KHDC1: variants seen among roughly 807,000 people sequenced by gnomAD.
KHDC1 encodes KH domain containing 1, also known as KH homology domain-containing protein 1.
Under a neutral mutation model 24.7 loss-of-function variants are expected in KHDC1, and 21 were observed. That is an observed-to-expected ratio of 0.85 (90% CI 0.60 to 1.23). The LOEUF (loss-of-function observed/expected upper bound fraction) is 1.23. Ranked by LOEUF, KHDC1 falls within the 50% of genes most tolerant of loss-of-function variation. The pLI is 0.00. For synonymous variants in KHDC1, 98 were observed against 111.7 expected (o/e 0.88, Z 0.77); for missense variants, 274 against 298.5 (o/e 0.92, Z 0.61).
At chr6:73,280,016 A>G (rs896968105) in intron 2 of KHDC1, among the ~76,000 whole-genome samples, 3 of 152,084 alleles carry the variant, frequency 2.0e-5, no homozygotes, top group African/African-American at 4.8e-5. Flanking sequence ...CCTTTGGCCT[A>G]TTCACAGTTT....
At chr6:73,253,282 A>G (rs1037522063) in intron 2 of KHDC1, among the ~76,000 whole-genome samples, 1 of 152,138 alleles carries the variant, frequency 6.6e-6, no homozygotes, top group African/African-American at 2.4e-5. Flanking sequence ...CCTGCCGGGT[A>G]CGGTGGCTCA....
At chr6:73,253,343 C>T (rs553006198) in intron 2 of KHDC1, among the ~76,000 whole-genome samples, 1 of 151,792 alleles carries the variant, frequency 6.6e-6, no homozygotes, top group African/African-American at 2.4e-5. Flanking sequence ...ATCACAAGGT[C>T]AGGAGATCAA....
At chr6:73,274,541 G>C (rs1767243795) in intron 2 of KHDC1, 1 of 152,204 alleles carries the variant, frequency 6.6e-6, no homozygotes, top group African/African-American at 2.4e-5. Context: ...TTTCCCCCAT[G>C]CTGTTCTCGT....
chr6:73,241,598 G>T (rs377447679), exon 5 of KHDC1: 3 of 1,614,156 alleles, frequency 1.9e-6, no homozygotes, highest in Middle Eastern at 3.3e-4. Context: ...GCTGAGGAAC[G>T]CTAAGACACA....
At chr6:73,252,180 C>G (rs1313888450) in intron 2 of KHDC1, among the ~76,000 whole-genome samples, 2 of 151,836 alleles carry the variant, frequency 1.3e-5, no homozygotes, top group Non-Finnish European at 2.9e-5. Flanking sequence ...GCAGCAGGGA[C>G]TACAGGCCTG....
In KHDC1 at chr6:73,263,039, GGGCGGCGGC is replaced by G. The variant is rs544476875; in HGVS notation, c.207-20518_207-20510del. 84 of 965,794 alleles carry G rather than the reference GGGCGGCGGC, an allele frequency of 8.7e-5. No individual in the cohort carries two copies. The East Asian group carries it at 2.1e-3, about 24-fold the overall frequency. The allele number at this position is 965,794 out of a possible 1,614,324, so 59.8% of individuals were successfully genotyped here. A position where few individuals can be genotyped will look rare whatever the true frequency, so the allele number is the denominator to read the frequency against. ...GCAGGCCTGGGCCACTCCCTGAGTA[GGGCGGCGGC>G]GGCGGCGGCGGCGGCGGCGGCAGCG... On this transcript the variant is annotated intron_variant, in intron 2 of 4. Transcript: ENST00000370384.
At chr6:73,309,795 G>C in exon 1 of KHDC1, 1 of 1,485,050 alleles carries the variant, frequency 6.7e-7, no homozygotes, top group African/African-American at 1.4e-5. Flanking sequence ...GAGCCCGCCG[G>C]CGGGAAGAGA....
chr6:73,263,889 A>G (rs1309377059), intron 2 of KHDC1, among the ~76,000 whole-genome samples: 1 of 152,316 alleles, frequency 6.6e-6, no homozygotes, highest in Non-Finnish European at 1.5e-5. Flanking sequence ...CGTTTGGACA[A>G]TTAGATGGGA....
intron 1 of KHDC1, among the ~76,000 whole-genome samples, chr6:73,294,116 G>A (rs7755870): frequency 0.21 from 28,425 of 135,272 alleles, 3,155 homozygotes; most frequent in African/African-American, 0.34. Flanking sequence ...AGACTGTCTC[G>A]AGACAAAACA....
chr6:73,306,436 C>T (rs896929971), intron 1 of KHDC1, among the ~76,000 whole-genome samples: 1 of 152,140 alleles, frequency 6.6e-6, no homozygotes, highest in Non-Finnish European at 1.5e-5. Flanking sequence ...ATCAGTTCTG[C>T]TTACTAAAAA....
At chr6:73,286,049 A>G (rs1435470420) in intron 2 of KHDC1, among the ~76,000 whole-genome samples, 1 of 152,166 alleles carries the variant, frequency 6.6e-6, no homozygotes, top group Admixed American at 6.5e-5. Flanking sequence ...TTATCTATCC[A>G]CATGATTCAG....
chr6:73,278,580 C>G (rs986468669), intron 2 of KHDC1, among the ~76,000 whole-genome samples: 1 of 152,088 alleles, frequency 6.6e-6, no homozygotes, highest in Non-Finnish European at 1.5e-5. Context: ...ATTTATAGTA[C>G]TTTTTCAGTA....
At chr6:73,289,179 C>T (rs1300511947) in intron 2 of KHDC1, among the ~76,000 whole-genome samples, 1 of 150,958 alleles carries the variant, frequency 6.6e-6, no homozygotes, top group African/African-American at 2.4e-5. Flanking sequence ...GCTAAAAATA[C>T]AAAAATTAGA....
intron 2 of KHDC1, among the ~76,000 whole-genome samples, chr6:73,255,933 A>T (rs58345476): frequency 6.7e-5 from 10 of 150,062 alleles, no homozygotes; most frequent in Non-Finnish European, 1.2e-4. Context: ...AAGAGGTCAG[A>T]CTCCTTAAAT....
chr6:73,303,960 C>T (rs1172195869), intron 1 of KHDC1, among the ~76,000 whole-genome samples: 1 of 152,146 alleles, frequency 6.6e-6, no homozygotes, highest in Non-Finnish European at 1.5e-5. Context: ...GGGTGGATCA[C>T]CTGAGGTCAA....
At chr6:73,285,530 C>T (rs959628581) in intron 2 of KHDC1, among the ~76,000 whole-genome samples, 1 of 152,050 alleles carries the variant, frequency 6.6e-6, no homozygotes, top group Non-Finnish European at 1.5e-5. Context: ...GACAGGGTTT[C>T]GCCATGTTGG....
chr6:73,297,387 T>A (rs957166290), intron 1 of KHDC1, among the ~76,000 whole-genome samples: 10 of 152,192 alleles, frequency 6.6e-5, no homozygotes, highest in Admixed American at 2.6e-4. Context: ...TTTTTATTTT[T>A]AAATGTGTTT....
At chr6:73,295,753 G>A (rs1398622266) in intron 1 of KHDC1, among the ~76,000 whole-genome samples, 1 of 151,960 alleles carries the variant, frequency 6.6e-6, no homozygotes, top group Non-Finnish European at 1.5e-5. Flanking sequence ...GGTTGAGGCA[G>A]GAGAATCACT....
At chr6:73,250,022 A>G (rs1381018178) in intron 2 of KHDC1, among the ~76,000 whole-genome samples, 3 of 152,212 alleles carry the variant, frequency 2.0e-5, no homozygotes. Flanking sequence ...CTTATACTTG[A>G]ACAAATGATA....
Sources: gnomAD v4.1 joint callset for allele counts (sites outside exome capture counted in the v4.1 genomes callset) on GRCh38, gnomAD v4.1.1 for gene constraint, MANE v1.5 for transcripts, NCBI Gene and HGNC (gene_info 2026-07-23, HGNC 2026-07-21) for gene names.